RANBP2: variants seen among roughly 807,000 people sequenced by gnomAD.
The protein encoded by RANBP2 is E3 SUMO-protein ligase RanBP2.
A neutral mutation model predicts 303.6 loss-of-function variants in RANBP2; 57 were observed. The observed-to-expected ratio is 0.19, with a 90% CI of 0.15 to 0.23. The LOEUF is 0.23. Among genes scored for constraint, RANBP2 ranks in the 10% least tolerant of loss-of-function variants. The pLI is 1.00. For missense variants in RANBP2, 3,138 were observed against 3,780.8 expected, an observed-to-expected ratio of 0.83 and a Z score of 4.46; for synonymous variants, 1,167 against 1,301.5, an observed-to-expected ratio of 0.90 and a Z score of 2.23.
the RANBP2 span, among the ~76,000 whole-genome samples, chr2:109,055,917 G>A: frequency 1.3e-5 from 2 of 149,750 alleles, no homozygotes; most frequent in African/African-American, 2.5e-5. Context: ...CCCCCAGCAC[G>A]CCCAGCTAAT....
At chr2:109,735,952 C>G in the RANBP2 span, among the ~76,000 whole-genome samples, 1 of 152,196 alleles carries the variant, frequency 6.6e-6, no homozygotes, top group South Asian at 2.1e-4. Context: ...ATGTTCAACT[C>G]AGTCCACAGA....
At chr2:108,738,777 T>G (rs186897147) in intron 6 of RANBP2, among the ~76,000 whole-genome samples, 1 of 151,374 alleles carries the variant, frequency 6.6e-6, no homozygotes, top group African/African-American at 2.4e-5. Flanking sequence ...TACAGGTGCC[T>G]ACCACCACGC....
At chr2:109,495,111 A>G in the RANBP2 span, among the ~76,000 whole-genome samples, 2 of 152,216 alleles carry the variant, frequency 1.3e-5, no homozygotes, top group African/African-American at 4.8e-5. Flanking sequence ...GTTCCTTCCA[A>G]GAGGACCTCA....
At chr2:108,870,598 A>G in the RANBP2 span, among the ~76,000 whole-genome samples, 1 of 152,236 alleles carries the variant, frequency 6.6e-6, no homozygotes, top group African/African-American at 2.4e-5. Flanking sequence ...AGTATCTGCA[A>G]AGCAACAAAA....
chr2:108,741,811 CTTTTTT>C (rs397872027), intron 7 of RANBP2, among the ~76,000 whole-genome samples: 32 of 108,974 alleles, frequency 2.9e-4, no homozygotes, highest in Non-Finnish European at 4.6e-4. Flanking sequence ...CACACCCAGC[CTTTTTT>C]TTTTTTTTTT....
chr2:109,378,287 A>G, the RANBP2 span, among the ~76,000 whole-genome samples: 14 of 152,048 alleles, frequency 9.2e-5, no homozygotes, highest in African/African-American at 2.9e-4. Context: ...TCCTCCTTCC[A>G]AAGACCCCCT....
chr2:109,451,944 G>A, the RANBP2 span, among the ~76,000 whole-genome samples: 74 of 152,314 alleles, frequency 4.9e-4, no homozygotes, highest in African/African-American at 1.7e-3. Context: ...GGCCCTCTGA[G>A]CTTATGTCCA....
chr2:108,756,202 C>G (rs2149245807), intron 17 of RANBP2, among the ~76,000 whole-genome samples: 1 of 152,136 alleles, frequency 6.6e-6, no homozygotes, highest in African/African-American at 2.4e-5. Flanking sequence ...GAGTTCATTC[C>G]CAGATTAGCT....
the RANBP2 span, chr2:108,895,968 T>G: frequency 6.6e-6 from 1 of 152,240 alleles, no homozygotes; most frequent in African/African-American, 2.4e-5. Flanking sequence ...CATACATGTT[T>G]GAAGTGAAAA....
chr2:109,705,924 C>T, the RANBP2 span, among the ~76,000 whole-genome samples: 1 of 152,180 alleles, frequency 6.6e-6, no homozygotes, highest in Admixed American at 6.5e-5. Flanking sequence ...TAACAGTTTC[C>T]ACCTGCACCT....
chr2:109,540,965 C>T, the RANBP2 span, among the ~76,000 whole-genome samples: 6 of 152,186 alleles, frequency 3.9e-5, no homozygotes, highest in African/African-American at 1.4e-4. Context: ...AAAAATTGAG[C>T]ATGTAATCCA....
At chr2:109,614,574 G>A in the RANBP2 span, 21 of 1,389,204 alleles carry the variant, frequency 1.5e-5, no homozygotes, top group Non-Finnish European at 2.0e-5. Context: ...CGGGGGCCGG[G>A]CCCTGCACGC....
the RANBP2 span, among the ~76,000 whole-genome samples, chr2:109,595,828 A>G: frequency 6.6e-6 from 1 of 152,196 alleles, no homozygotes; most frequent in Admixed American, 6.5e-5. Flanking sequence ...GCCACAGATA[A>G]TATCTGGCTA....
At chr2:109,186,977 C>T in the RANBP2 span, among the ~76,000 whole-genome samples, 2 of 152,166 alleles carry the variant, frequency 1.3e-5, no homozygotes, top group Admixed American at 6.5e-5. Flanking sequence ...CAACCTGTGC[C>T]CCTAGAAGTT....
the RANBP2 span, among the ~76,000 whole-genome samples, chr2:109,582,075 G>GACAC: frequency 0.018 from 2,612 of 143,832 alleles, 52 homozygotes; most frequent in African/African-American, 0.05. Context: ...ATGTACAACA[G>GACAC]ACACACACAC....
the RANBP2 span, chr2:109,614,773 C>A: frequency 3.4e-6 from 5 of 1,478,716 alleles, no homozygotes; most frequent in Non-Finnish European, 4.5e-6. Context: ...GGGGACCCGC[C>A]GCGAATCCAG....
chr2:109,371,842 T>C, the RANBP2 span, among the ~76,000 whole-genome samples: 1 of 152,198 alleles, frequency 6.6e-6, no homozygotes, highest in Non-Finnish European at 1.5e-5. Flanking sequence ...TTGATTCACC[T>C]CATGGGGTCA....
chr2:109,016,257 T>G, the RANBP2 span, among the ~76,000 whole-genome samples: 1 of 151,962 alleles, frequency 6.6e-6, no homozygotes, highest in Non-Finnish European at 1.5e-5. Flanking sequence ...AATTTTTTTT[T>G]TTTTGTATTT....
chr2:109,564,188 C>T, the RANBP2 span: 1 of 508,762 alleles, frequency 2.0e-6, no homozygotes, highest in Non-Finnish European at 3.1e-6. Context: ...CAAGACTCTT[C>T]AAAAGCAAGA....
Sources: allele counts gnomAD v4.1 joint callset (sites outside exome capture counted in the v4.1 genomes callset), GRCh38; gene constraint gnomAD v4.1.1; transcripts MANE v1.5; gene names NCBI Gene and HGNC (gene_info 2026-07-23, HGNC 2026-07-21).